Variants in NCAM2 observed in about 807,000 individuals in gnomAD.
The protein encoded by NCAM2 is N-CAM-2.
NCAM2 carries 30 observed loss-of-function variants against 98.1 expected under a neutral mutation model. The ratio of observed to expected loss-of-function variants is 0.31; its 90% CI spans 0.23 to 0.41. The LOEUF is 0.41. Ranked by LOEUF, NCAM2 falls within the 10% of genes least tolerant of loss-of-function variation. The pLI is 1.00. For missense variants in NCAM2, 867 were observed against 1,005.8 expected (o/e 0.86, Z 1.87); for synonymous variants, 368 against 342.4 (o/e 1.07, Z -0.83).
chr21:21,203,608 A>G (rs1278848230), intron 1 of NCAM2, among the ~76,000 whole-genome samples: 4 of 152,172 alleles, frequency 2.6e-5, no homozygotes, highest in African/African-American at 9.6e-5. Context: ...AATCTATTGC[A>G]TTTCCTAATA....
At chr21:21,192,487 A>T (rs147643681) in intron 1 of NCAM2, among the ~76,000 whole-genome samples, 1 of 152,174 alleles carries the variant, frequency 6.6e-6, no homozygotes, top group Non-Finnish European at 1.5e-5. Flanking sequence ...GTTGGTTGCA[A>T]TGGTGGGTGC....
rs1990258794 is a variant in NCAM2, at chr21:21,542,227, T to A, written c.*4270T>A. The A allele has an allele frequency of 6.6e-6, 1 of 151,778 alleles. No individual in the cohort carries two copies. The highest frequency in any genetic ancestry group is 1.5e-5 in the Non-Finnish European group (1 of 67,794). 9.4% of individuals were successfully genotyped at this position (151,778 alleles called of 1,614,324 possible). On this transcript the variant is annotated 3_prime_UTR_variant, in exon 18 of 18. Coordinates refer to ENST00000400546, the MANE Select transcript of NCAM2 (RefSeq NM_004540.5). ...TCTTCCAGCTCCCATCCTTCCTTTTTGAAAAATTGAATTTACCCATGTAGA... is the reference window on the plus strand; with the variant it reads ...TCTTCCAGCTCCCATCCTTCCTTTTAGAAAAATTGAATTTACCCATGTAGA...
chr21:21,075,318 C>T (rs1294554339), intron 1 of NCAM2, among the ~76,000 whole-genome samples: 1 of 151,872 alleles, frequency 6.6e-6, no homozygotes, highest in Non-Finnish European at 1.5e-5. Context: ...AACATGTATC[C>T]CAGAACTTAA....
chr21:21,422,395 T>A (rs1490593028), intron 11 of NCAM2, among the ~76,000 whole-genome samples: 1 of 152,070 alleles, frequency 6.6e-6, no homozygotes. Context: ...AGCCCAAACT[T>A]TGCTAGTACA....
intron 1 of NCAM2, among the ~76,000 whole-genome samples, chr21:21,196,833 T>C (rs1601619066): frequency 6.6e-6 from 1 of 152,194 alleles, no homozygotes; most frequent in Non-Finnish European, 1.5e-5. Flanking sequence ...TGGTGGCAGG[T>C]GATTGGATCA....
chr21:21,491,656 G>C (rs1012065188), intron 15 of NCAM2, among the ~76,000 whole-genome samples: 3 of 151,534 alleles, frequency 2.0e-5, no homozygotes, highest in Admixed American at 6.6e-5. Flanking sequence ...ATGAAATGAT[G>C]CCAAAATTCA....
At chr21:21,465,514 C>T (rs1233035236) in intron 12 of NCAM2, among the ~76,000 whole-genome samples, 1 of 150,006 alleles carries the variant, frequency 6.7e-6, no homozygotes, top group South Asian at 2.1e-4. Context: ...ATTAAGTATC[C>T]TCATATAATA....
chr21:21,523,233 C>T (rs1989132225), intron 16 of NCAM2, among the ~76,000 whole-genome samples: 2 of 152,064 alleles, frequency 1.3e-5, no homozygotes, highest in African/African-American at 2.4e-5. Context: ...GTTGCCTGTG[C>T]TCTTGAGGTC....
At chr21:21,001,648 T>C (rs1159719354) in intron 1 of NCAM2, among the ~76,000 whole-genome samples, 3 of 152,214 alleles carry the variant, frequency 2.0e-5, no homozygotes, top group Non-Finnish European at 4.4e-5. Flanking sequence ...ATTAAACAAG[T>C]ATGATTAATA....
chr21:21,406,596 A>G (rs1273802352), intron 9 of NCAM2, among the ~76,000 whole-genome samples: 4 of 152,160 alleles, frequency 2.6e-5, no homozygotes, highest in African/African-American at 9.7e-5. Flanking sequence ...GCTTTCAGAA[A>G]GGAGATCTTT....
intron 1 of NCAM2, among the ~76,000 whole-genome samples, chr21:21,148,398 T>C (rs1247447297): frequency 6.6e-6 from 1 of 152,192 alleles, no homozygotes; most frequent in Non-Finnish European, 1.5e-5. Flanking sequence ...TACTGGAAGA[T>C]ACTTCACAGG....
chr21:21,397,508 T>C (rs1031513003), intron 9 of NCAM2, among the ~76,000 whole-genome samples: 1 of 152,118 alleles, frequency 6.6e-6, no homozygotes, highest in Admixed American at 6.5e-5. Context: ...AGCACCTCCT[T>C]GAGTGTGCAC....
chr21:21,080,542 G>C (rs13051023), intron 1 of NCAM2, among the ~76,000 whole-genome samples: 4,293 of 151,062 alleles, frequency 0.028, 103 homozygotes, highest in Non-Finnish European at 0.047. Context: ...CTTGAACCTG[G>C]GATGTGGAGG....
At chr21:21,061,437 A>G (rs181969935) in intron 1 of NCAM2, among the ~76,000 whole-genome samples, 20 of 152,258 alleles carry the variant, frequency 1.3e-4, no homozygotes, top group African/African-American at 4.3e-4. Flanking sequence ...ATTTTATACT[A>G]TCAGTCTTGA....
At chr21:21,386,684 T>A (rs2076277661) in intron 9 of NCAM2, among the ~76,000 whole-genome samples, 1 of 152,208 alleles carries the variant, frequency 6.6e-6, no homozygotes, top group Non-Finnish European at 1.5e-5. Flanking sequence ...TGTCCTCGTT[T>A]TATAACATTA....
intron 16 of NCAM2, among the ~76,000 whole-genome samples, chr21:21,521,101 T>C (rs191864223): frequency 2.6e-4 from 39 of 152,256 alleles, no homozygotes; most frequent in Non-Finnish European, 4.4e-5. Context: ...TAACAGAGCC[T>C]AACTGACCCG....
intron 12 of NCAM2, among the ~76,000 whole-genome samples, chr21:21,452,217 T>C (rs1451549038): frequency 1.0e-5 from 1 of 99,618 alleles, no homozygotes; most frequent in Admixed American, 9.7e-5. Flanking sequence ...TACACACACA[T>C]ATATATTATA....
At chr21:21,086,753 G>A (rs969276008) in intron 1 of NCAM2, among the ~76,000 whole-genome samples, 2 of 152,136 alleles carry the variant, frequency 1.3e-5, no homozygotes, top group Non-Finnish European at 2.9e-5. Flanking sequence ...TAACTAGAAC[G>A]TGTGTGGCAG....
intron 12 of NCAM2, among the ~76,000 whole-genome samples, chr21:21,451,383 G>A (rs988984737): frequency 3.9e-5 from 6 of 152,072 alleles, no homozygotes; most frequent in African/African-American, 1.4e-4. Context: ...AAGCTTTTCT[G>A]GGAAGTAATG....
Sources: gnomAD v4.1 joint callset for allele counts (sites outside exome capture counted in the v4.1 genomes callset) on GRCh38, gnomAD v4.1.1 for gene constraint, MANE v1.5 for transcripts, NCBI Gene and HGNC (gene_info 2026-07-23, HGNC 2026-07-21) for gene names.